The following EML6 variants were observed in gnomAD, a reference collection of about 807,000 sequenced individuals.
The protein encoded by EML6 is echinoderm microtubule-associated protein-like 6.
In EML6, 154 loss-of-function variants were observed where a neutral mutation model predicts 240.1. The ratio of observed to expected loss-of-function variants is 0.64; its 90% CI spans 0.56 to 0.73. EML6 has a LOEUF of 0.73. Ranked by LOEUF, EML6 falls within the 30% of genes least tolerant of loss-of-function variation. The probability of loss-of-function intolerance (pLI) is 0.00; values close to 1 mark genes in which losing one functional copy is unlikely to be tolerated. For missense variants in EML6, 2,964 were observed against 2,474.6 expected (o/e 1.20, Z -4.20); for synonymous variants, 1,148 against 899.0 (o/e 1.28, Z -4.95).
chr2:54,792,123 G>C (rs1669486675), intron 2 of EML6, among the ~76,000 whole-genome samples: 1 of 152,162 alleles, frequency 6.6e-6, no homozygotes, highest in Admixed American at 6.5e-5. Flanking sequence ...ATAGAAGGGA[G>C]TATAAATTAC....
intron 28 of EML6, among the ~76,000 whole-genome samples, chr2:54,946,072 C>T (rs115123491): frequency 1.1e-3 from 162 of 152,354 alleles, no homozygotes; most frequent in African/African-American, 3.7e-3. Flanking sequence ...GCAGGCTTCT[C>T]CTGCTCTCCA....
At chr2:54,851,305 T>C (rs1340606228) in intron 10 of EML6, among the ~76,000 whole-genome samples, 1 of 152,014 alleles carries the variant, frequency 6.6e-6, no homozygotes, top group Non-Finnish European at 1.5e-5. Flanking sequence ...TCCAGCTACT[T>C]GGGAGGCTAA....
At chr2:54,950,146 T>G (rs202159079) in intron 29 of EML6, among the ~76,000 whole-genome samples, 5 of 130,464 alleles carry the variant, frequency 3.8e-5, no homozygotes, top group South Asian at 2.3e-4. Context: ...ATCTAGTTTT[T>G]GGGGGAAAAA....
chr2:54,930,410 C>G lies in EML6; in HGVS notation c.4004+1659C>G, dbSNP rs537208694. On this transcript the variant is annotated intron_variant, in intron 28 of 41. Transcript: ENST00000356458. Reference sequence around the variant, plus strand: ...AGGAGGACTGATGATAGAGAGGACCCTAAGAATTTTTCATTTTAAAATTCA... The same window carrying G: ...AGGAGGACTGATGATAGAGAGGACCGTAAGAATTTTTCATTTTAAAATTCA... Among the ~76,000 whole-genome samples the G allele has an allele frequency of 2.0e-5, 3 of 152,234 alleles. No homozygotes were observed. In the South Asian group the frequency reaches 6.2e-4, roughly 32 times the overall value.
At chr2:54,806,554 A>G (rs1670494203) in intron 2 of EML6, among the ~76,000 whole-genome samples, 1 of 129,020 alleles carries the variant, frequency 7.8e-6, no homozygotes, top group African/African-American at 3.0e-5. Context: ...CGGAGGTTGC[A>G]GTGAGCTGAG....
chr2:54,771,970 T>C (rs1668417553), intron 2 of EML6, among the ~76,000 whole-genome samples: 2 of 152,230 alleles, frequency 1.3e-5, no homozygotes, highest in Non-Finnish European at 2.9e-5. Context: ...CAAACTAAAC[T>C]GACAGTCTCT....
At chr2:54,931,641 C>T (rs922334485) in intron 28 of EML6, among the ~76,000 whole-genome samples, 3 of 152,172 alleles carry the variant, frequency 2.0e-5, no homozygotes, top group African/African-American at 4.8e-5. Context: ...CCGTATATAC[C>T]TGCAGATAAT....
intron 16 of EML6, among the ~76,000 whole-genome samples, 184 bp from the exon 17 acceptor site, chr2:54,879,363 A>T (rs1671696867): frequency 6.6e-6 from 1 of 152,226 alleles, no homozygotes; most frequent in African/African-American, 2.4e-5. Flanking sequence ...GTACATGTTT[A>T]TAGAGTATAG....
rs115325592 is a variant in EML6, at chr2:54,917,449, C to T, written c.3675+514C>T. ...GCGCCATCTCGGCTGACCGCAACTTCTGCCTCCCAGGTTCAGGCAATTCCC... is the reference window on the plus strand; with the variant it reads ...GCGCCATCTCGGCTGACCGCAACTTTTGCCTCCCAGGTTCAGGCAATTCCC... On this transcript the variant is annotated intron_variant, in intron 26 of 41. Coordinates refer to ENST00000356458, the MANE Select transcript of EML6 (RefSeq NM_001039753.4). 8.8e-3 allele frequency among the ~76,000 whole-genome samples: 1,304 copies of T among 147,656 alleles called. 10 individuals carry two copies. The highest frequency in any genetic ancestry group is 0.013 in the South Asian group (60 of 4,556).
At chr2:54,821,432 C>T (rs1335250372) in intron 5 of EML6, among the ~76,000 whole-genome samples, 2 of 152,100 alleles carry the variant, frequency 1.3e-5, no homozygotes, top group Admixed American at 1.3e-4. Context: ...ATTCTGGACA[C>T]GTCTAAAATT....
At chr2:54,848,939 A>G (rs766754584) in intron 9 of EML6, among the ~76,000 whole-genome samples, 18 of 152,332 alleles carry the variant, frequency 1.2e-4, no homozygotes, top group East Asian at 9.6e-4. Context: ...TTTTGCGACA[A>G]TAGGTATCAA....
chr2:54,929,692 A>ACCTCCTCCT (rs67666233), intron 28 of EML6, among the ~76,000 whole-genome samples: 8 of 143,066 alleles, frequency 5.6e-5, no homozygotes, highest in African/African-American at 2.0e-4. Flanking sequence ...AAGAAATGTA[A>ACCTCCTCCT]CCTCCTCCTC....
At chr2:54,865,063 G>C (rs1378080551) in intron 13 of EML6, among the ~76,000 whole-genome samples, 1 of 152,176 alleles carries the variant, frequency 6.6e-6, no homozygotes, top group Non-Finnish European at 1.5e-5. Context: ...TATTAATGTG[G>C]AAATATTATG....
At chr2:54,756,425 T>C (rs1195321944) in intron 2 of EML6, among the ~76,000 whole-genome samples, 2 of 152,216 alleles carry the variant, frequency 1.3e-5, no homozygotes, top group Non-Finnish European at 2.9e-5. Flanking sequence ...ATATTCATTC[T>C]GTTTCCTTTA....
intron 10 of EML6, among the ~76,000 whole-genome samples, chr2:54,851,144 C>A (rs1191751047): frequency 6.6e-6 from 1 of 152,154 alleles, no homozygotes; most frequent in Non-Finnish European, 1.5e-5. Flanking sequence ...CATGGTGGCT[C>A]ATGCCTGTAA....
chr2:54,819,773 G>GAAAAAAAAA (rs375657743), intron 4 of EML6, among the ~76,000 whole-genome samples: 3 of 123,136 alleles, frequency 2.4e-5, no homozygotes. Flanking sequence ...GACTGTCTCA[G>GAAAAAAAAA]AAAAAAAAAA....
chr2:54,743,475 T>C (rs1683755113), intron 2 of EML6, among the ~76,000 whole-genome samples: 1 of 152,254 alleles, frequency 6.6e-6, no homozygotes, highest in Admixed American at 6.5e-5. Context: ...TATGCATTTT[T>C]CCCTGTAATC....
chr2:54,904,653 A>G (rs1231733464), intron 24 of EML6, among the ~76,000 whole-genome samples: 2 of 152,104 alleles, frequency 1.3e-5, no homozygotes, highest in Non-Finnish European at 1.5e-5. Context: ...GTGTGAAGGG[A>G]GGGGAATGTG....
chr2:54,725,314 G>C lies in EML6; in HGVS notation c.197+56G>C. On this transcript the variant is annotated intron_variant, in intron 2 of 41. Transcript: ENST00000356458. This position sits in a 1 kb window ranked among gnomAD's most constrained non-coding sequence, Gnocchi z 4.3. ...GGTTGCGTGTGGAGGCTGGGAAGGT[G>C]GGAAGCGGTTGACCTGGGGTCGGAT... 1 of 1,319,310 alleles carries C rather than the reference G, an allele frequency of 7.6e-7. No individual in the cohort carries two copies. Among genetic ancestry groups the C allele is most frequent in the Non-Finnish European group, 1.0e-6 (1 of 1,003,164 alleles). 81.7% of individuals were successfully genotyped at this position (1,319,310 alleles called of 1,614,324 possible). A position where few individuals can be genotyped will look rare whatever the true frequency, so the allele number is the denominator to read the frequency against.
Sources: allele counts gnomAD v4.1 joint callset (sites outside exome capture counted in the v4.1 genomes callset), GRCh38; gene constraint gnomAD v4.1.1; non-coding constraint Gnocchi (gnomAD v3.1); transcripts MANE v1.5; gene names NCBI Gene and HGNC (gene_info 2026-07-23, HGNC 2026-07-21).